The following BBX variants were observed in gnomAD, a reference collection of about 807,000 sequenced individuals.
BBX encodes the protein BBX high mobility group box domain containing.
Under a neutral mutation model 100.2 loss-of-function variants are expected in BBX, and 30 were observed. That is an observed-to-expected ratio of 0.30 (90% CI 0.22 to 0.41). The LOEUF is 0.41. Ranked by LOEUF, BBX falls within the 10% of genes least tolerant of loss-of-function variation. The probability of loss-of-function intolerance (pLI) is 1.00; values close to 1 mark genes in which losing one functional copy is unlikely to be tolerated. For synonymous variants in BBX, 376 were observed against 388.1 expected, an observed-to-expected ratio of 0.97 and a Z score of 0.37; for missense variants, 1,023 against 1,129.8, an observed-to-expected ratio of 0.91 and a Z score of 1.35.
chr3:107,586,120 T>A (rs1327785223), intron 2 of BBX, among the ~76,000 whole-genome samples: 2 of 152,174 alleles, frequency 1.3e-5, no homozygotes, highest in Admixed American at 6.5e-5. Context: ...ATAAAAAAAA[T>A]AGACGGTGAT....
At chr3:107,751,009 C>A (rs1311003419) in intron 9 of BBX, among the ~76,000 whole-genome samples, 1 of 152,260 alleles carries the variant, frequency 6.6e-6, no homozygotes, top group East Asian at 1.9e-4. Context: ...TGGTGTTGGG[C>A]CTGAGAATTT....
chr3:107,700,322 A>C (rs1383613781), intron 3 of BBX, among the ~76,000 whole-genome samples: 1 of 151,574 alleles, frequency 6.6e-6, no homozygotes, highest in Non-Finnish European at 1.5e-5. Flanking sequence ...AAACTTTGAA[A>C]GTGGCAGGGA....
chr3:107,760,576 A>G (rs16853816), intron 10 of BBX, among the ~76,000 whole-genome samples: 2,497 of 152,334 alleles, frequency 0.016, 67 homozygotes, highest in African/African-American at 0.057. Flanking sequence ...AAAGAGTGCA[A>G]GTGATTTAAT....
At chr3:107,692,357 C>T (rs998955335) in intron 3 of BBX, among the ~76,000 whole-genome samples, 4 of 151,958 alleles carry the variant, frequency 2.6e-5, no homozygotes, top group Admixed American at 1.3e-4. Context: ...CACCCCACCC[C>T]ACAACAGTCC....
intron 2 of BBX, among the ~76,000 whole-genome samples, chr3:107,645,178 A>G (rs181562338): frequency 1.4e-4 from 21 of 152,318 alleles, no homozygotes; most frequent in African/African-American, 4.6e-4. Context: ...AATTCTTAGA[A>G]ATGATATGGT....
intron 2 of BBX, among the ~76,000 whole-genome samples, chr3:107,611,099 CAAAT>C (rs1169204906): frequency 2.0e-5 from 3 of 152,092 alleles, no homozygotes; most frequent in African/African-American, 7.2e-5. Context: ...CTTGCCTAAA[CAAAT>C]AAGCAAAATG....
intron 2 of BBX, among the ~76,000 whole-genome samples, chr3:107,621,360 C>G (rs566937541): frequency 2.0e-5 from 3 of 152,282 alleles, no homozygotes; most frequent in Admixed American, 6.5e-5. Context: ...CTTCTCTGCC[C>G]TTTTTCTGCC....
At chr3:107,687,370 A>G (rs777113300) in intron 3 of BBX, among the ~76,000 whole-genome samples, 6 of 151,548 alleles carry the variant, frequency 4.0e-5, no homozygotes, top group Non-Finnish European at 5.9e-5. Flanking sequence ...AGGCTCTGTG[A>G]AGGCCCGCAT....
At chr3:107,561,791 A>G (rs1206212417) in intron 2 of BBX, among the ~76,000 whole-genome samples, 1 of 152,192 alleles carries the variant, frequency 6.6e-6, no homozygotes, top group Non-Finnish European at 1.5e-5. Context: ...GAAATTTTTA[A>G]AAGTCTGAAG....
At chr3:107,566,283 T>C (rs979797975) in intron 2 of BBX, among the ~76,000 whole-genome samples, 1 of 151,990 alleles carries the variant, frequency 6.6e-6, no homozygotes, top group Non-Finnish European at 1.5e-5. Flanking sequence ...TTTTCTGATG[T>C]TAAACATCCT....
intron 5 of BBX, among the ~76,000 whole-genome samples, chr3:107,727,304 C>T (rs1020401891): frequency 3.9e-5 from 6 of 152,066 alleles, no homozygotes; most frequent in Non-Finnish European, 2.9e-5. Context: ...TGTCACTTTC[C>T]ACTTCCAGAC....
intron 3 of BBX, chr3:107,684,577 TGGC>T (rs1041382147): frequency 1.3e-4 from 20 of 152,138 alleles, no homozygotes; most frequent in Admixed American, 1.0e-3. Flanking sequence ...GAAGCAGCAG[TGGC>T]GGAGCAAAGG....
chr3:107,685,640 T>C (rs764322192), intron 3 of BBX, among the ~76,000 whole-genome samples: 2 of 152,252 alleles, frequency 1.3e-5, no homozygotes, highest in Non-Finnish European at 2.9e-5. Flanking sequence ...CTGCTGTAAG[T>C]AATGCCTTAC....
chr3:107,568,362 T>G (rs1559821492), intron 2 of BBX, among the ~76,000 whole-genome samples: 1 of 151,772 alleles, frequency 6.6e-6, no homozygotes, highest in Non-Finnish European at 1.5e-5. Context: ...CCTCCCAGAT[T>G]CACGCCATTC....
intron 2 of BBX, among the ~76,000 whole-genome samples, chr3:107,574,241 G>A (rs2051599865): frequency 1.3e-5 from 2 of 152,074 alleles, no homozygotes; most frequent in South Asian, 4.1e-4. Flanking sequence ...TTTTATAAAC[G>A]AGAAATTTGA....
chr3:107,646,471 A>G (rs1211718694), intron 3 of BBX, among the ~76,000 whole-genome samples: 1 of 152,188 alleles, frequency 6.6e-6, no homozygotes, highest in Non-Finnish European at 1.5e-5. Flanking sequence ...CACAGATACT[A>G]TAACTGTCCT....
chr3:107,589,544 C>A (rs2053136084), intron 2 of BBX, among the ~76,000 whole-genome samples: 1 of 152,086 alleles, frequency 6.6e-6, no homozygotes, highest in Non-Finnish European at 1.5e-5. Flanking sequence ...CTTAGCAGCA[C>A]CGGTTTAAGT....
chr3:107,553,640 A>C (rs1449348453), intron 2 of BBX, among the ~76,000 whole-genome samples: 2 of 152,208 alleles, frequency 1.3e-5, no homozygotes, highest in Admixed American at 6.5e-5. Flanking sequence ...GGAGAATCCA[A>C]GTCAACAACT....
chr3:107,760,293 C>T (rs1048909061), intron 10 of BBX, among the ~76,000 whole-genome samples: 1 of 152,200 alleles, frequency 6.6e-6, no homozygotes, highest in Non-Finnish European at 1.5e-5. Context: ...TGGAAGACAG[C>T]TTACTCCTAC....
Sources: gnomAD v4.1 joint callset for allele counts (sites outside exome capture counted in the v4.1 genomes callset) on GRCh38, gnomAD v4.1.1 for gene constraint, MANE v1.5 for transcripts, NCBI Gene and HGNC (gene_info 2026-07-23, HGNC 2026-07-21) for gene names.